PTGER3: variants seen among roughly 807,000 people sequenced by gnomAD.
PTGER3 encodes the protein prostaglandin E2 receptor EP3 subtype.
In PTGER3, 22 loss-of-function variants were observed where a neutral mutation model predicts 34.7. That is an observed-to-expected ratio of 0.63 (90% CI 0.45 to 0.91). The LOEUF (loss-of-function observed/expected upper bound fraction) is 0.91. PTGER3 is among the 40% of genes least tolerant of loss of function. PTGER3 has a pLI of 0.00. For missense variants in PTGER3, 468 were observed against 519.4 expected, an observed-to-expected ratio of 0.90 and a Z score of 0.96; for synonymous variants, 241 against 230.1, an observed-to-expected ratio of 1.05 and a Z score of -0.43.
At chr1:70,855,559 G>A (rs1572461076) in intron 4 of PTGER3, among the ~76,000 whole-genome samples, 1 of 151,798 alleles carries the variant, frequency 6.6e-6, no homozygotes, top group Non-Finnish European at 1.5e-5. Flanking sequence ...ATCGATTATT[G>A]TTTTATCTTG....
chr1:70,987,427 A>C (rs928556783), intron 2 of PTGER3, among the ~76,000 whole-genome samples: 4 of 152,242 alleles, frequency 2.6e-5, no homozygotes. Flanking sequence ...AGATAAAAAG[A>C]AAATATTAAA....
At chr1:71,027,574 T>C (rs549899242) in intron 1 of PTGER3, among the ~76,000 whole-genome samples, 1 of 152,316 alleles carries the variant, frequency 6.6e-6, no homozygotes, top group South Asian at 2.1e-4. Context: ...ACAGGTCTGT[T>C]TTCATCTATT....
At position 70,978,617 on chromosome 1, in the gene PTGER3, C is replaced by G. The variant is rs183738522; in HGVS notation, c.1078-4229G>C. ...TTCCTGCCTTGCAGGAGTGTGTGCT[C>G]TAGTTGGGAAGCAATTGAAATAACA... On this transcript the variant is annotated intron_variant, in intron 2 of 3. Transcript: ENST00000306666. Among the ~76,000 whole-genome samples, 280 of 152,010 alleles carry G rather than the reference C, an allele frequency of 1.8e-3. 4 individuals are homozygous for G. The highest frequency in any genetic ancestry group is 6.3e-3 in the African/African-American group (260 of 41,454).
At chr1:71,036,526 T>C (rs981552743) in intron 1 of PTGER3, among the ~76,000 whole-genome samples, 2 of 149,390 alleles carry the variant, frequency 1.3e-5, no homozygotes, top group African/African-American at 4.9e-5. Context: ...CAAAATAAAA[T>C]AAATTAATTA....
intron 4 of PTGER3, chr1:70,884,027 C>T (rs1279063870): frequency 2.7e-6 from 1 of 375,356 alleles, no homozygotes; most frequent in Admixed American, 3.0e-5. Flanking sequence ...GTGAAGGTTG[C>T]AGTGAGCGGA....
chr1:71,009,444 T>C, intron 2 of PTGER3: 3 of 982,028 alleles, frequency 3.1e-6, no homozygotes, highest in Non-Finnish European at 3.6e-6. Flanking sequence ...TTGGTAAATA[T>C]TGAGATAACT....
intron 4 of PTGER3, among the ~76,000 whole-genome samples, chr1:70,856,235 A>G (rs1645800500): frequency 6.6e-6 from 1 of 152,160 alleles, no homozygotes; most frequent in Admixed American, 6.5e-5. Context: ...TAGCCAAGAT[A>G]ACTCATTAGC....
chr1:70,997,641 A>G (rs1166743928), intron 2 of PTGER3, among the ~76,000 whole-genome samples: 1 of 152,212 alleles, frequency 6.6e-6, no homozygotes. Context: ...TAGTTTTCCA[A>G]AAATGTTGTA....
chr1:70,938,708 C>T (rs888377632), intron 4 of PTGER3, among the ~76,000 whole-genome samples: 3 of 152,072 alleles, frequency 2.0e-5, no homozygotes, highest in Non-Finnish European at 4.4e-5. Context: ...GTGGAAACCC[C>T]TGATAAACCC....
At chr1:70,909,245 T>C (rs1647012491) in intron 4 of PTGER3, among the ~76,000 whole-genome samples, 1 of 152,192 alleles carries the variant, frequency 6.6e-6, no homozygotes, top group East Asian at 1.9e-4. Flanking sequence ...GCTTCCAATC[T>C]TGCAAAGCCC....
At chr1:71,033,497 T>C (rs1474453430) in intron 1 of PTGER3, among the ~76,000 whole-genome samples, 1 of 152,244 alleles carries the variant, frequency 6.6e-6, no homozygotes, top group African/African-American at 2.4e-5. Context: ...AGTTTATTTA[T>C]TGCCTCTCTC....
At chr1:70,893,220 A>G (rs774498165) in intron 4 of PTGER3, among the ~76,000 whole-genome samples, 1 of 152,174 alleles carries the variant, frequency 6.6e-6, no homozygotes, top group Non-Finnish European at 1.5e-5. Flanking sequence ...TAATTTTCTA[A>G]TAATCCATGT....
At chr1:70,902,230 C>A (rs1008592373) in intron 4 of PTGER3, among the ~76,000 whole-genome samples, 1 of 152,176 alleles carries the variant, frequency 6.6e-6, no homozygotes, top group African/African-American at 2.4e-5. Context: ...AGAATTTACA[C>A]CACTGAAAAG....
Position 70,973,121 on chromosome 1 carries a change from CGTGTGTGT to C in PTGER3, c.1169+1168_1169+1175del, listed in dbSNP as rs71898506. On this transcript the variant is annotated intron_variant, in intron 3 of 3. Coordinates refer to ENST00000306666, the MANE Select transcript of PTGER3 (RefSeq NM_198719.2). Reference sequence around the variant, plus strand: ...ACAGCAAAACAGTACCCAGTGTGCACGTGTGTGTGTGTGTGTGTGTGTGTGTGTGTGTG... The same window carrying C: ...ACAGCAAAACAGTACCCAGTGTGCACGTGTGTGTGTGTGTGTGTGTGTGTG... Among the ~76,000 whole-genome samples, 721 of 143,940 alleles carry C rather than the reference CGTGTGTGT, an allele frequency of 5.0e-3. 13 individuals are homozygous for C. Among genetic ancestry groups the C allele is most frequent in the African/African-American group, 0.017 (646 of 38,664 alleles). 94.4% of individuals were successfully genotyped at this position (143,940 alleles called of 152,430 possible). A position where few individuals can be genotyped will look rare whatever the true frequency, so the allele number is the denominator to read the frequency against.
intron 1 of PTGER3, among the ~76,000 whole-genome samples, chr1:71,016,883 T>C (rs1657954394): frequency 6.6e-6 from 1 of 152,192 alleles, no homozygotes. Flanking sequence ...AGCAGATGGT[T>C]ATTATTCCCT....
At chr1:70,868,724 A>T (rs536483959) in intron 4 of PTGER3, among the ~76,000 whole-genome samples, 1 of 152,354 alleles carries the variant, frequency 6.6e-6, no homozygotes, top group East Asian at 1.9e-4. Flanking sequence ...CTTTTCTATA[A>T]AATGGAACAT....
intron 4 of PTGER3, among the ~76,000 whole-genome samples, chr1:70,863,525 C>A (rs367657280): frequency 5.3e-4 from 81 of 152,236 alleles, no homozygotes; most frequent in African/African-American, 1.9e-3. Flanking sequence ...ATGAAAAAAT[C>A]TTTAAAGCTA....
Position 70,978,093 on chromosome 1 carries a change from A to G in PTGER3, c.1078-3705T>C, listed in dbSNP as rs1572831279. On this transcript the variant is annotated intron_variant, in intron 2 of 3. Transcript: ENST00000306666. ...ACTTGCCTAAGGTCACCTCCAGATGAGTGGCAGAGTTTGAATTCAAATGCC... is the reference window on the plus strand; with the variant it reads ...ACTTGCCTAAGGTCACCTCCAGATGGGTGGCAGAGTTTGAATTCAAATGCC... Among the ~76,000 whole-genome samples, 4 of 152,170 alleles carry G rather than the reference A, an allele frequency of 2.6e-5. 1 individual carries two copies. The East Asian group carries it at 7.7e-4, about 29-fold the overall frequency.
intron 1 of PTGER3, among the ~76,000 whole-genome samples, chr1:71,013,865 C>T (rs1037021698): frequency 1.3e-5 from 2 of 152,106 alleles, no homozygotes; most frequent in Non-Finnish European, 2.9e-5. Context: ...AGGAACAACT[C>T]AAACATGGGT....
Sources: gnomAD v4.1 joint callset for allele counts (sites outside exome capture counted in the v4.1 genomes callset) on GRCh38, gnomAD v4.1.1 for gene constraint, MANE v1.5 for transcripts, NCBI Gene and HGNC (gene_info 2026-07-23, HGNC 2026-07-21) for gene names.